The following ZNF536 variants were observed in gnomAD, a reference collection of about 807,000 sequenced individuals.
The protein encoded by ZNF536 is zinc finger protein 536.
In ZNF536, 13 loss-of-function variants were observed where a neutral mutation model predicts 84.5. The ratio of observed to expected loss-of-function variants is 0.15; its 90% CI spans 0.10 to 0.24. The LOEUF is 0.24. Among genes scored for constraint, ZNF536 ranks in the 10% least tolerant of loss-of-function variants. The pLI is 1.00. For missense variants in ZNF536, 1,536 were observed against 1,747.5 expected (o/e 0.88, Z 2.16); for synonymous variants, 811 against 742.5 (o/e 1.09, Z -1.50).
In ZNF536 at chr19:30,445,009, G is replaced by A. The variant is rs755613678; in HGVS notation, c.1447G>A (p.Gly483Arg). Reference sequence around the variant, plus strand: ...CAGCATGGCCCACGGCGTCCCGGAGGGGGACAAGCACTCCCTCCTGGGATG... The same window carrying A: ...CAGCATGGCCCACGGCGTCCCGGAGAGGGACAAGCACTCCCTCCTGGGATG... ...ISSMAHGVPE[G>R]DKHSLLGCLN... The change falls in exon 2 of 5, where the codon GGG (glycine) becomes AGG (arginine). Residue 483 changes from glycine to arginine, a missense_variant. Gly to Arg is a moderately radical substitution (Grantham distance 125, BLOSUM62 -2). Around this residue, in one of 8 missense-constraint regions of ZNF536, gnomAD observed 366 missense variants for 364.4 expected, o/e 1.00. Coordinates refer to ENST00000355537, the MANE Select transcript of ZNF536 (RefSeq NM_014717.3). The surrounding 1 kb of genome is among the most constrained non-coding windows in gnomAD (Gnocchi z 4.5). 2 of 1,611,656 alleles carry A rather than the reference G, an allele frequency of 1.2e-6. No homozygotes were observed. Among genetic ancestry groups the A allele is most frequent in the South Asian group, 1.1e-5 (1 of 90,928 alleles).
intron 1 of ZNF536, among the ~76,000 whole-genome samples, chr19:30,696,594 A>C (rs2051669953): frequency 6.6e-6 from 1 of 152,226 alleles, no homozygotes; most frequent in Non-Finnish European, 1.5e-5. Flanking sequence ...AGGCGGGCTG[A>C]TGGCTCCACT....
intron 1 of ZNF536, among the ~76,000 whole-genome samples, chr19:30,245,594 G>A (rs1057099951): frequency 6.6e-6 from 1 of 152,252 alleles, no homozygotes; most frequent in Non-Finnish European, 1.5e-5. Flanking sequence ...AGAGATGGAA[G>A]TCACAGCTGT....
chr19:30,497,425 T>A (rs1429028753), intron 2 of ZNF536, among the ~76,000 whole-genome samples: 1 of 152,194 alleles, frequency 6.6e-6, no homozygotes, highest in Non-Finnish European at 1.5e-5. Flanking sequence ...CATCTCACTC[T>A]ATTGTTGCAT....
intron 2 of ZNF536, among the ~76,000 whole-genome samples, chr19:30,307,940 C>G (rs1394740820): frequency 6.6e-6 from 1 of 152,186 alleles, no homozygotes; most frequent in Non-Finnish European, 1.5e-5. Flanking sequence ...TCCTGGGTGG[C>G]TTTCGATGAC....
chr19:30,235,178 G>A (rs1039338386), intron 1 of ZNF536, among the ~76,000 whole-genome samples: 2 of 152,186 alleles, frequency 1.3e-5, no homozygotes, highest in African/African-American at 4.8e-5. Flanking sequence ...AATGCCCCAG[G>A]GAAGGGCCTC....
At chr19:30,522,283 A>AT (rs59462054) in intron 2 of ZNF536, among the ~76,000 whole-genome samples, 22 of 42,334 alleles carry the variant, frequency 5.2e-4, no homozygotes, top group South Asian at 2.4e-3. Context: ...ACATATATAT[A>AT]ATATATATAT....
At chr19:30,675,573 G>A (rs1460138793) in intron 1 of ZNF536, among the ~76,000 whole-genome samples, 1 of 152,176 alleles carries the variant, frequency 6.6e-6, no homozygotes, top group East Asian at 1.9e-4. Context: ...AAGAAAGTGT[G>A]GATTGGAGAA....
At chr19:30,498,915 C>A (rs2054833413) in intron 2 of ZNF536, among the ~76,000 whole-genome samples, 1 of 152,142 alleles carries the variant, frequency 6.6e-6, no homozygotes, top group East Asian at 1.9e-4. Context: ...CGTTCCAGCC[C>A]GTGCGATCCT....
At chr19:30,340,939 C>T (rs1179423642) in intron 2 of ZNF536, among the ~76,000 whole-genome samples, 3 of 152,088 alleles carry the variant, frequency 2.0e-5, no homozygotes, top group Non-Finnish European at 4.4e-5. Context: ...GCACTTAATT[C>T]GGTTCCAGCC....
intron 1 of ZNF536, among the ~76,000 whole-genome samples, chr19:30,251,031 C>T (rs933884411): frequency 4.0e-5 from 6 of 151,656 alleles, no homozygotes; most frequent in East Asian, 1.9e-4. Context: ...ACCCATGACC[C>T]GGTCTACAAA....
intron 1 of ZNF536, among the ~76,000 whole-genome samples, chr19:30,576,342 G>C (rs969814576): frequency 6.6e-6 from 1 of 152,136 alleles, no homozygotes; most frequent in Admixed American, 6.5e-5. Flanking sequence ...TGCGTCTCCC[G>C]CTCTGTCTCC....
intron 1 of ZNF536, among the ~76,000 whole-genome samples, chr19:30,379,225 A>G (rs1313324721): frequency 1.3e-5 from 2 of 152,064 alleles, no homozygotes; most frequent in Admixed American, 1.3e-4. Context: ...TCCCTCTCCC[A>G]CTTTTGTTTG....
chr19:30,405,268 G>T (rs559817675), intron 1 of ZNF536, among the ~76,000 whole-genome samples: 2 of 152,340 alleles, frequency 1.3e-5, no homozygotes, highest in South Asian at 4.1e-4. Context: ...CTGCCTTGGG[G>T]CAGGTGAAAG....
At chr19:30,599,802 C>A (rs1433124021) in intron 1 of ZNF536, among the ~76,000 whole-genome samples, 1 of 152,198 alleles carries the variant, frequency 6.6e-6, no homozygotes, top group Admixed American at 6.5e-5. Flanking sequence ...TCCCTGGCAA[C>A]CTTGAGGCAT....
chr19:30,487,386 A>ATC (rs1295658652), intron 2 of ZNF536, among the ~76,000 whole-genome samples: 1 of 152,174 alleles, frequency 6.6e-6, no homozygotes, highest in East Asian at 1.9e-4. Flanking sequence ...AGAACAAAAG[A>ATC]AGGAAACACA....
At chr19:30,402,822 T>TATATATATATATATATATA (rs1331644147) in intron 1 of ZNF536, among the ~76,000 whole-genome samples, 1 of 142,556 alleles carries the variant, frequency 7.0e-6, no homozygotes, top group African/African-American at 2.5e-5. Flanking sequence ...TATATATATA[T>TATATATATATATATATATA]AATTTTCAAA....
intron 1 of ZNF536, among the ~76,000 whole-genome samples, chr19:30,564,202 G>A (rs118024988): frequency 0.012 from 1,802 of 152,292 alleles, 25 homozygotes; most frequent in Non-Finnish European, 0.015. Flanking sequence ...GGGTGTGTTG[G>A]CACATGCCTG....
intron 1 of ZNF536, among the ~76,000 whole-genome samples, chr19:30,404,247 G>T (rs535989102): frequency 6.6e-6 from 1 of 152,210 alleles, no homozygotes; most frequent in South Asian, 2.1e-4. Context: ...TAGTCTGGGC[G>T]CAGAGCCCAG....
intron 1 of ZNF536, among the ~76,000 whole-genome samples, chr19:30,600,756 G>A (rs930212875): frequency 6.6e-6 from 1 of 152,214 alleles, no homozygotes; most frequent in African/African-American, 2.4e-5. Flanking sequence ...TGATGTGTAT[G>A]CAAGTAGCTG....
Sources: allele counts gnomAD v4.1 joint callset (sites outside exome capture counted in the v4.1 genomes callset), GRCh38; gene constraint gnomAD v4.1.1; regional missense constraint gnomAD v4.1.1; non-coding constraint Gnocchi (gnomAD v3.1); transcripts MANE v1.5; gene names NCBI Gene and HGNC (gene_info 2026-07-23, HGNC 2026-07-21).